SMAD1: variants seen among roughly 807,000 people sequenced by gnomAD.
The protein encoded by SMAD1 is SMAD family member 1.
In SMAD1, 6 loss-of-function variants were observed where a neutral mutation model predicts 41.6. The ratio of observed to expected loss-of-function variants is 0.14; its 90% CI spans 0.08 to 0.28. SMAD1 has a LOEUF of 0.28. SMAD1 is among the 10% of genes least tolerant of loss of function. The probability of loss-of-function intolerance (pLI) is 1.00; values close to 1 mark genes in which losing one functional copy is unlikely to be tolerated. For synonymous variants in SMAD1, 206 were observed against 203.2 expected (o/e 1.01, Z -0.12); for missense variants, 379 against 582.6 (o/e 0.65, Z 3.60).
intron 1 of SMAD1, chr4:145,484,386 G>C (rs1381430059): frequency 6.6e-6 from 1 of 152,164 alleles, no homozygotes; most frequent in Non-Finnish European, 1.5e-5. Flanking sequence ...TTACAGCACT[G>C]AACTGGTGCA....
At chr4:145,553,613 T>A (rs193152837) in intron 5 of SMAD1, among the ~76,000 whole-genome samples, 171 bp from the exon 6 acceptor site, 1 of 152,202 alleles carries the variant, frequency 6.6e-6, no homozygotes, top group East Asian at 1.9e-4. Flanking sequence ...CTGATACTGG[T>A]CCATGGCCCC....
At chr4:145,502,574 A>G (rs1452227455) in intron 1 of SMAD1, among the ~76,000 whole-genome samples, 2 of 152,230 alleles carry the variant, frequency 1.3e-5, no homozygotes, top group Non-Finnish European at 2.9e-5. Context: ...GGATGGAAGG[A>G]TTTGTGTATG....
intron 2 of SMAD1, among the ~76,000 whole-genome samples, chr4:145,527,293 G>A (rs1310600389): frequency 6.6e-6 from 1 of 150,480 alleles, no homozygotes; most frequent in Admixed American, 6.7e-5. Flanking sequence ...GCGGGATCTC[G>A]GCTCACTGCG....
intron 2 of SMAD1, 102 bp from the exon 3 acceptor site, chr4:145,539,702 T>A: frequency 8.5e-7 from 1 of 1,181,680 alleles, no homozygotes. Context: ...AGGGATCAGA[T>A]AATTTGTTGT....
chr4:145,545,522 G>C (rs576848442), intron 4 of SMAD1: 55 of 143,912 alleles, frequency 3.8e-4, no homozygotes, highest in African/African-American at 1.4e-3. Flanking sequence ...TAACTTATGT[G>C]TGGGTTTTTT....
intron 3 of SMAD1, among the ~76,000 whole-genome samples, chr4:145,540,818 A>G (rs778698834): frequency 1.3e-5 from 2 of 151,816 alleles, no homozygotes; most frequent in Non-Finnish European, 2.9e-5. Context: ...CTTAACATCT[A>G]TTAATGTTTT....
At chr4:145,545,476 ATGTTTT>A (rs1308004751) in intron 4 of SMAD1, 5 of 151,944 alleles carry the variant, frequency 3.3e-5, no homozygotes, top group African/African-American at 1.2e-4. Context: ...AAGATAGTGT[ATGTTTT>A]TAGCTAACTA....
At chr4:145,527,227 C>CTT (rs368437867) in intron 2 of SMAD1, among the ~76,000 whole-genome samples, 2 of 143,548 alleles carry the variant, frequency 1.4e-5, no homozygotes, top group East Asian at 2.0e-4. Flanking sequence ...TCATTTAATT[C>CTT]TTTTTTTTTT....
At chr4:145,485,718 A>G (rs1728448477) in intron 1 of SMAD1, among the ~76,000 whole-genome samples, 1 of 152,236 alleles carries the variant, frequency 6.6e-6, no homozygotes, top group African/African-American at 2.4e-5. Context: ...TTTTCTGTAG[A>G]TCTTATTTAT....
At position 145,534,042 on chromosome 4, in the gene SMAD1, AG is replaced by A. The variant is rs372475544; in HGVS notation, c.401-5761del. ...ATGCAGTCTGACTGGGGTCTTTATAAGAAGAGGGATGAAACATGCAGAGACC... is the reference window on the plus strand; with the variant it reads ...ATGCAGTCTGACTGGGGTCTTTATAAAAGAGGGATGAAACATGCAGAGACC... On this transcript the variant is annotated intron_variant, in intron 2 of 6. Coordinates refer to ENST00000302085, the MANE Select transcript of SMAD1 (RefSeq NM_005900.3). 2.1e-3 allele frequency among the ~76,000 whole-genome samples: 320 copies of A among 152,280 alleles called. 2 individuals carry two copies. Among genetic ancestry groups the A allele is most frequent in the African/African-American group, 7.5e-3 (310 of 41,548 alleles).
At chr4:145,486,422 G>A (rs1341980440) in intron 1 of SMAD1, among the ~76,000 whole-genome samples, 1 of 152,150 alleles carries the variant, frequency 6.6e-6, no homozygotes, top group African/African-American at 2.4e-5. Flanking sequence ...TCCCTGAGCT[G>A]TTAAACACTG....
intron 1 of SMAD1, chr4:145,484,379 C>T (rs1560717275): frequency 1.3e-5 from 2 of 152,186 alleles, no homozygotes; most frequent in Non-Finnish European, 2.9e-5. Context: ...AATTGATTTA[C>T]AGCACTGAAC....
intron 1 of SMAD1, among the ~76,000 whole-genome samples, chr4:145,490,879 T>C (rs1218087887): frequency 2.0e-5 from 3 of 152,236 alleles, no homozygotes; most frequent in Non-Finnish European, 4.4e-5. Flanking sequence ...TGAATTTTTC[T>C]GTGGCTTTTA....
At chr4:145,552,798 C>A (rs1732622452) in intron 5 of SMAD1, among the ~76,000 whole-genome samples, 1 of 152,234 alleles carries the variant, frequency 6.6e-6, no homozygotes, top group South Asian at 2.1e-4. Flanking sequence ...TACATAGCAT[C>A]CAGGTTTTAT....
At chr4:145,522,213 C>T (rs936854374) in intron 2 of SMAD1, among the ~76,000 whole-genome samples, 10 of 151,990 alleles carry the variant, frequency 6.6e-5, no homozygotes, top group South Asian at 2.1e-4. Context: ...GGCAGGAGAA[C>T]GGGTGAACCC....
intron 1 of SMAD1, among the ~76,000 whole-genome samples, chr4:145,490,323 C>T: frequency 6.6e-6 from 1 of 152,152 alleles, no homozygotes; most frequent in South Asian, 2.1e-4. Flanking sequence ...AGCTCCTGTG[C>T]ACTTTTGCTG....
chr4:145,521,955 C>G (rs1324384163), intron 2 of SMAD1, among the ~76,000 whole-genome samples: 1 of 149,368 alleles, frequency 6.7e-6, no homozygotes, highest in Non-Finnish European at 1.5e-5. Flanking sequence ...TCTTTGTGCA[C>G]TTTTCATTTT....
intron 2 of SMAD1, among the ~76,000 whole-genome samples, chr4:145,521,920 C>T (rs974810184): frequency 7.0e-6 from 1 of 142,738 alleles, no homozygotes; most frequent in Non-Finnish European, 1.5e-5. Flanking sequence ...AAAAAAAAAG[C>T]AGCTAGTTCA....
chr4:145,481,145 T>C (rs1281884342), upstream of SMAD1: 1 of 151,976 alleles, frequency 6.6e-6, no homozygotes, highest in Non-Finnish European at 1.5e-5. Flanking sequence ...ACTGTAGAAA[T>C]TGGACCAAAA....
Sources: gnomAD v4.1 joint callset for allele counts (sites outside exome capture counted in the v4.1 genomes callset) on GRCh38, gnomAD v4.1.1 for gene constraint, MANE v1.5 for transcripts, NCBI Gene and HGNC (gene_info 2026-07-23, HGNC 2026-07-21) for gene names.